FBXO11: variants seen among roughly 807,000 people sequenced by gnomAD.
The protein encoded by FBXO11 is F-box protein 11.
A neutral mutation model predicts 117.0 loss-of-function variants in FBXO11; 13 were observed. That is an observed-to-expected ratio of 0.11 (90% CI 0.07 to 0.18). The LOEUF is 0.18. Among genes scored for constraint, FBXO11 ranks in the 10% least tolerant of loss-of-function variants. The pLI is 1.00. For missense variants in FBXO11, 767 were observed against 1,164.4 expected, an observed-to-expected ratio of 0.66 and a Z score of 4.97; for synonymous variants, 490 against 380.5, an observed-to-expected ratio of 1.29 and a Z score of -3.35.
rs1670341211 is a variant in FBXO11, at chr2:47,807,953, ACTTT to A, written c.*161_*164del. Reference sequence around the variant, plus strand: ...TGAGATCCTGAGTCAATATATTGCCACTTTCTTTTTGGTAGCTTGAGCTTCATAG... The same window carrying A: ...TGAGATCCTGAGTCAATATATTGCCACTTTTTGGTAGCTTGAGCTTCATAG... On this transcript the variant is annotated 3_prime_UTR_variant, in exon 23 of 23. Transcript: ENST00000403359. 1 of 642,820 alleles carries A rather than the reference ACTTT, an allele frequency of 1.6e-6. No homozygotes were observed. 39.8% of individuals were successfully genotyped at this position (642,820 alleles called of 1,614,324 possible). A position where few individuals can be genotyped will look rare whatever the true frequency, so the allele number is the denominator to read the frequency against.
chr2:47,855,454 A>C (rs1674214555), intron 1 of FBXO11, among the ~76,000 whole-genome samples: 1 of 152,212 alleles, frequency 6.6e-6, no homozygotes, highest in Non-Finnish European at 1.5e-5. Flanking sequence ...GAAAATAAAA[A>C]GATATAAACC....
At chr2:47,851,674 A>G (rs1673872616) in intron 1 of FBXO11, among the ~76,000 whole-genome samples, 2 of 152,240 alleles carry the variant, frequency 1.3e-5, no homozygotes, top group South Asian at 4.1e-4. Flanking sequence ...ATAAAAGTAT[A>G]AAACAGGACA....
At chr2:47,869,018 A>G (rs1488830275) in intron 1 of FBXO11, among the ~76,000 whole-genome samples, 1 of 152,210 alleles carries the variant, frequency 6.6e-6, no homozygotes, top group Non-Finnish European at 1.5e-5. Context: ...TTGAAGATTC[A>G]GTTACAACGT....
chr2:47,820,184 G>A (rs1671282202), intron 14 of FBXO11, among the ~76,000 whole-genome samples, 178 bp downstream of exon 14: 1 of 152,134 alleles, frequency 6.6e-6, no homozygotes, highest in Admixed American at 6.5e-5. Context: ...CTTAAAATCA[G>A]AAATCATTAA....
chr2:47,886,035 A>T (rs1676813160), intron 1 of FBXO11, among the ~76,000 whole-genome samples: 1 of 152,232 alleles, frequency 6.6e-6, no homozygotes, highest in South Asian at 2.1e-4. Context: ...TGGGATTATA[A>T]ATTATGCAAC....
In FBXO11 at chr2:47,877,396, A is replaced by G. The variant is rs369872637; in HGVS notation, c.232+28093T>C. Among the ~76,000 whole-genome samples the G allele has an allele frequency of 7.9e-5, 12 of 152,352 alleles. No individual in the cohort carries two copies. The East Asian group carries it at 1.7e-3, about 22-fold the overall frequency. ...ACTCCTGCAAAAAAGAAAACATACTATAAATACTGTTTCATGATTCCCATT... is the reference window on the plus strand; with the variant it reads ...ACTCCTGCAAAAAAGAAAACATACTGTAAATACTGTTTCATGATTCCCATT... On this transcript the variant is annotated intron_variant, in intron 1 of 22. Transcript: ENST00000403359.
chr2:47,862,577 G>T (rs773763234), intron 1 of FBXO11, among the ~76,000 whole-genome samples: 1 of 152,078 alleles, frequency 6.6e-6, no homozygotes, highest in Admixed American at 6.5e-5. Flanking sequence ...GTGCCACCAC[G>T]CTTGGCTAAA....
chr2:47,823,519 C>T (rs1671528690), intron 11 of FBXO11, among the ~76,000 whole-genome samples, 159 bp from the exon 12 acceptor site: 2 of 151,990 alleles, frequency 1.3e-5, no homozygotes, highest in South Asian at 4.1e-4. Flanking sequence ...ACTTTGGGAG[C>T]CCTAGGAAGG....
chr2:47,873,989 T>C (rs553100661), intron 1 of FBXO11, among the ~76,000 whole-genome samples: 1 of 151,810 alleles, frequency 6.6e-6, no homozygotes, highest in Non-Finnish European at 1.5e-5. Flanking sequence ...CCGAGGTGGG[T>C]GGATCACGGG....
chr2:47,889,148 C>T (rs1677080369), intron 1 of FBXO11, among the ~76,000 whole-genome samples: 1 of 152,030 alleles, frequency 6.6e-6, no homozygotes, highest in Non-Finnish European at 1.5e-5. Context: ...CTAAAATCTC[C>T]CCCAACTGAC....
intron 1 of FBXO11, among the ~76,000 whole-genome samples, chr2:47,880,980 C>T (rs1413612150): frequency 6.6e-6 from 1 of 152,076 alleles, no homozygotes; most frequent in Admixed American, 6.6e-5. Context: ...TTGGGCCGGG[C>T]ATGGTGACTC....
intron 11 of FBXO11, among the ~76,000 whole-genome samples, chr2:47,825,148 T>C (rs1671655623): frequency 6.6e-6 from 1 of 152,182 alleles, no homozygotes; most frequent in African/African-American, 2.4e-5. Flanking sequence ...TACTCTAGTA[T>C]ACTATATGTT....
chr2:47,891,300 C>T (rs1677243506), intron 1 of FBXO11, among the ~76,000 whole-genome samples: 1 of 152,138 alleles, frequency 6.6e-6, no homozygotes, highest in Non-Finnish European at 1.5e-5. Flanking sequence ...CCCTCCCTTT[C>T]ACCCCTGACA....
chr2:47,895,549 C>T (rs1473111198), intron 1 of FBXO11, among the ~76,000 whole-genome samples: 2 of 152,142 alleles, frequency 1.3e-5, no homozygotes, highest in African/African-American at 2.4e-5. Flanking sequence ...GTGCTTTATT[C>T]CTTGCTGTAG....
intron 1 of FBXO11, among the ~76,000 whole-genome samples, chr2:47,880,562 G>C (rs1007044279): frequency 9.2e-5 from 14 of 152,098 alleles, no homozygotes; most frequent in Non-Finnish European, 1.5e-4. Context: ...GTTGAAGCTT[G>C]TTTGGCGTCT....
At chr2:47,901,086 CATAT>C (rs565507314) in intron 1 of FBXO11, among the ~76,000 whole-genome samples, 5 of 104,784 alleles carry the variant, frequency 4.8e-5, no homozygotes, top group Admixed American at 4.5e-4. Context: ...CACGTGTGTA[CATAT>C]ATATACATAT....
chr2:47,817,263 T>C lies in FBXO11; in HGVS notation c.2006+1516A>G, dbSNP rs1016202317. On this transcript the variant is annotated intron_variant, in intron 16 of 22. Transcript: ENST00000403359. ...GCTTCTTCACCTCTTTCAGCCTTCATAGAACTGAAGAGAGTTGGGTCCTTG... is the reference window on the plus strand; with the variant it reads ...GCTTCTTCACCTCTTTCAGCCTTCACAGAACTGAAGAGAGTTGGGTCCTTG... Among the ~76,000 whole-genome samples the C allele has an allele frequency of 6.6e-5, 10 of 152,240 alleles. No homozygotes were observed. In the East Asian group the frequency reaches 7.7e-4, roughly 12 times the overall value.
At chr2:47,809,732 A>C in intron 19 of FBXO11, 25 bp from the exon 20 acceptor site, 1 of 1,470,888 alleles carries the variant, frequency 6.8e-7, no homozygotes, top group Non-Finnish European at 9.5e-7. Context: ...ACAAACAAGT[A>C]GATACATCAC....
chr2:47,841,005 T>C (rs1040842973), intron 1 of FBXO11, among the ~76,000 whole-genome samples: 2 of 152,074 alleles, frequency 1.3e-5, no homozygotes, highest in African/African-American at 2.4e-5. Flanking sequence ...GAGACCATCC[T>C]GGAAAACACA....
Sources: allele counts gnomAD v4.1 joint callset (sites outside exome capture counted in the v4.1 genomes callset), GRCh38; gene constraint gnomAD v4.1.1; transcripts MANE v1.5; gene names NCBI Gene and HGNC (gene_info 2026-07-23, HGNC 2026-07-21).